Variants in XRCC1 observed in about 807,000 individuals in gnomAD.
XRCC1 encodes the protein DNA repair protein XRCC1.
A neutral mutation model predicts 83.3 loss-of-function variants in XRCC1; 52 were observed. That is an observed-to-expected ratio of 0.62 (90% CI 0.50 to 0.79). The LOEUF (loss-of-function observed/expected upper bound fraction) is 0.79. Ranked by LOEUF, XRCC1 falls within the 30% of genes least tolerant of loss-of-function variation. The pLI, the probability that XRCC1 is intolerant of heterozygous loss-of-function variation, is 0.00. For missense variants in XRCC1, 793 were observed against 823.5 expected, an observed-to-expected ratio of 0.96 and a Z score of 0.45; for synonymous variants, 281 against 312.6, an observed-to-expected ratio of 0.90 and a Z score of 1.07.
chr19:43,559,413 G>C (rs1216960254), intron 3 of XRCC1, among the ~76,000 whole-genome samples: 1 of 147,620 alleles, frequency 6.8e-6, no homozygotes, highest in Non-Finnish European at 1.5e-5. Flanking sequence ...CCGGGAGGTG[G>C]AGCTTGCAGT....
chr19:43,544,480 G>A (rs1028809291), intron 14 of XRCC1, among the ~76,000 whole-genome samples: 12 of 151,970 alleles, frequency 7.9e-5, no homozygotes, highest in Admixed American at 3.9e-4. Flanking sequence ...GTTTCTGACC[G>A]ACAGGCTGGA....
rs1972479286 is a variant in XRCC1 at position 43,543,682 on chromosome 19, A to G, written c.1718T>C (p.Leu573Pro). ...IRYVTAFNGE[L>P]EDYMSDRVQF... Reference sequence around the variant, plus strand: ...AACCCGGTCACTCATATAGTCCTCGAGCTCCCTGGCGGGAGAGAAGAAAAG... The same window carrying G: ...AACCCGGTCACTCATATAGTCCTCGGGCTCCCTGGCGGGAGAGAAGAAAAG... The change falls in exon 16 of 17, where the codon CTC becomes CCC. Residue 573 changes from leucine (L) to proline (P), a missense_variant. Physicochemically the swap from Leu to Pro is moderately conservative, Grantham distance 98 (BLOSUM62 -3). Transcript: ENST00000262887. 1 of 1,613,820 alleles carries G rather than the reference A, an allele frequency of 6.2e-7. No individual in the cohort carries two copies. The highest frequency in any genetic ancestry group is 1.3e-5 in the African/African-American group (1 of 74,822).
intron 3 of XRCC1, among the ~76,000 whole-genome samples, chr19:43,556,996 CT>C (rs772066167): frequency 6.6e-6 from 1 of 150,464 alleles, no homozygotes; most frequent in Non-Finnish European, 1.5e-5. Context: ...CGGAGCAAGA[CT>C]CTGCCAAAAA....
chr19:43,565,865 G>A (rs1972746948), intron 2 of XRCC1, among the ~76,000 whole-genome samples: 2 of 151,392 alleles, frequency 1.3e-5, no homozygotes, highest in South Asian at 4.2e-4. Flanking sequence ...CTTGAACCTG[G>A]GAGGTGGAGG....
chr19:43,547,954 C>G (rs1024281105), intron 10 of XRCC1, among the ~76,000 whole-genome samples: 1 of 150,864 alleles, frequency 6.6e-6, no homozygotes, highest in Admixed American at 6.6e-5. Context: ...GACTACAACA[C>G]TATAATCATG....
chr19:43,543,378 G>GTGTA lies in XRCC1; in HGVS notation c.*13_*14insTACA. On this transcript the variant is annotated 3_prime_UTR_variant, in exon 17 of 17. Coordinates refer to ENST00000262887, the MANE Select transcript of XRCC1 (RefSeq NM_006297.3). ...TGTGTGTGTGTGTGTGTGTGTGTGT[G>GTGTA]TATAGCACATACTTCAGGCTTGCGG... 2 of 1,382,654 alleles carry GTGTA rather than the reference G, an allele frequency of 1.4e-6. No individual in the cohort carries two copies. Among genetic ancestry groups the GTGTA allele is most frequent in the Admixed American group, 1.7e-5 (1 of 57,952 alleles). The allele number at this position is 1,382,654 out of a possible 1,614,324, so 85.6% of individuals were successfully genotyped here. A position where few individuals can be genotyped will look rare whatever the true frequency, so the allele number is the denominator to read the frequency against.
intron 10 of XRCC1, among the ~76,000 whole-genome samples, 164 bp from the exon 11 acceptor site, chr19:43,547,141 G>A (rs1972520971): frequency 6.6e-6 from 1 of 151,902 alleles, no homozygotes; most frequent in Non-Finnish European, 1.5e-5. Context: ...AGTGAACCCA[G>A]TCAGTCTGGC....
chr19:43,554,920 T>TGTA, intron 3 of XRCC1, 116 bp from the exon 4 acceptor site: 1 of 1,212,866 alleles, frequency 8.2e-7, no homozygotes, highest in Non-Finnish European at 1.1e-6. Context: ...GTCACTAGAA[T>TGTA]GTAGCTTGGG....
chr19:43,552,783 T>C lies in XRCC1; in HGVS notation c.823+14A>G. 6 of 1,587,790 alleles carry C rather than the reference T, an allele frequency of 3.8e-6. No individual in the cohort carries two copies. Among genetic ancestry groups the C allele is most frequent in the South Asian group, 2.3e-5 (2 of 86,936 alleles). ...CACAGGCCCCTGTGGAAACAAGGGATCTAGTTAGCTCACATTTAGGTCTCT... is the reference window on the plus strand; with the variant it reads ...CACAGGCCCCTGTGGAAACAAGGGACCTAGTTAGCTCACATTTAGGTCTCT... On this transcript the variant is annotated intron_variant, in intron 8 of 16. Transcript: ENST00000262887.
At chr19:43,551,080 G>A (rs1267284655) in intron 10 of XRCC1, among the ~76,000 whole-genome samples, 1 of 152,146 alleles carries the variant, frequency 6.6e-6, no homozygotes, top group Non-Finnish European at 1.5e-5. Context: ...CGATTCTCCT[G>A]CCTCAGCCTT....
chr19:43,552,742 C>A (rs1972593885), intron 8 of XRCC1, 55 bp downstream of exon 8: 7 of 1,500,514 alleles, frequency 4.7e-6, no homozygotes, highest in Non-Finnish European at 5.4e-6. Flanking sequence ...GCCCCGCTTC[C>A]CCTAGGACAC....
At chr19:43,548,128 C>T (rs1194540770) in intron 10 of XRCC1, among the ~76,000 whole-genome samples, 7 of 147,816 alleles carry the variant, frequency 4.7e-5, no homozygotes, top group African/African-American at 1.5e-4. Context: ...AGCCCCCGCC[C>T]GGCCAGCCGC....
rs2146049327 is a variant in XRCC1, at chr19:43,551,702, A to C, written c.1083-15T>G. ...CAAAGGCACAGCTGGTGGGGGGCAG[A>C]AGTGAAGATGCCAGTTAGGTGTGAT... On this transcript the variant is annotated splice_polypyrimidine_tract_variant and intron_variant, in intron 9 of 16. Transcript: ENST00000262887. The C allele has an allele frequency of 6.2e-7, 1 of 1,603,504 alleles. No homozygotes were observed. The highest frequency in any genetic ancestry group is 8.5e-7 in the Non-Finnish European group (1 of 1,170,492).
rs754230618 is a variant in XRCC1, at chr19:43,553,441, C to G, written c.561G>C (p.Pro187=). Reference sequence around the variant, plus strand: ...TGATCCGGCTGAAGAAGAGAGCCCCCGGCCTCAGAGAGTTGGCGCTCTCAT... The same window carrying G: ...TGATCCGGCTGAAGAAGAGAGCCCCGGGCCTCAGAGAGTTGGCGCTCTCAT... ...EEDESANSLR[P]GALFFSRINK... is the part of the protein sequence containing the mutation. The change falls in exon 6 of 17, where the codon CCG becomes CCC. Residue 187 remains proline (P), a synonymous_variant. Transcript: ENST00000262887. 6.2e-7 allele frequency: 1 copy of G among 1,614,168 alleles called. No homozygotes were observed. The highest frequency in any genetic ancestry group is 2.2e-5 in the East Asian group (1 of 44,880).
chr19:43,561,154 A>G, intron 2 of XRCC1, 134 bp from the exon 3 acceptor site: 5 of 717,906 alleles, frequency 7.0e-6, no homozygotes, highest in South Asian at 6.3e-5. Context: ...CCAGGGTTGA[A>G]TGGTGCCATG....
At chr19:43,570,352 C>G (rs934764509) in intron 2 of XRCC1, among the ~76,000 whole-genome samples, 1 of 152,206 alleles carries the variant, frequency 6.6e-6, no homozygotes. Context: ...AGGTGATGAA[C>G]AGACAACAGA....
chr19:43,564,808 A>G (rs754788147), intron 2 of XRCC1, among the ~76,000 whole-genome samples: 20 of 145,118 alleles, frequency 1.4e-4, no homozygotes, highest in Non-Finnish European at 2.3e-4. Context: ...AAAAAAAAAC[A>G]CACAAATTTA....
At position 43,543,781 on chromosome 19, in the gene XRCC1, GT is replaced by G. The variant is rs1972480505; in HGVS notation, c.1713-95del. 4.2e-6 allele frequency: 5 copies of G among 1,185,282 alleles called. No individual in the cohort carries two copies. The African/African-American group carries it at 6.1e-5, about 14-fold the overall frequency. The allele number at this position is 1,185,282 out of a possible 1,614,324, so 73.4% of individuals were successfully genotyped here. A position where few individuals can be genotyped will look rare whatever the true frequency, so the allele number is the denominator to read the frequency against. The stretch of plus-strand genomic sequence containing the variant: ...CACTCTCAATGGCTGTCCCCACACT[GT>G]CCCCACCTATGCGCCTCTAGGTTGC... On this transcript the variant is annotated intron_variant, in intron 15 of 16. Coordinates refer to ENST00000262887, the MANE Select transcript of XRCC1 (RefSeq NM_006297.3).
At chr19:43,554,870 G>A in intron 3 of XRCC1, 66 bp from the exon 4 acceptor site, 1 of 1,547,206 alleles carries the variant, frequency 6.5e-7, no homozygotes, top group Admixed American at 1.9e-5. Flanking sequence ...GCTTCTAGGG[G>A]CTGGGGAAGA....
Sources: allele counts gnomAD v4.1 joint callset (sites outside exome capture counted in the v4.1 genomes callset), GRCh38; gene constraint gnomAD v4.1.1; transcripts MANE v1.5; gene names NCBI Gene and HGNC (gene_info 2026-07-23, HGNC 2026-07-21).